Variants in PCDH15 observed in about 807,000 individuals in gnomAD.
PCDH15 encodes the protein protocadherin related 15.
A neutral mutation model predicts 178.5 loss-of-function variants in PCDH15; 129 were observed. That is an observed-to-expected ratio of 0.72 (90% CI 0.63 to 0.84). The LOEUF is 0.84. Ranked by LOEUF, PCDH15 falls within the 40% of genes least tolerant of loss-of-function variation. The pLI, the probability that PCDH15 is intolerant of heterozygous loss-of-function variation, is 0.00. For synonymous variants in PCDH15, 800 were observed against 732.0 expected (o/e 1.09, Z -1.50); for missense variants, 2,230 against 2,099.9 (o/e 1.06, Z -1.21).
At chr10:54,440,283 C>T (rs1399844112) in intron 3 of PCDH15, among the ~76,000 whole-genome samples, 6 of 151,946 alleles carry the variant, frequency 3.9e-5, no homozygotes. Flanking sequence ...AAGCTATTTG[C>T]AGGTGGCTTT....
At chr10:54,753,303 C>A (rs1192085301) in intron 1 of PCDH15, among the ~76,000 whole-genome samples, 1 of 152,062 alleles carries the variant, frequency 6.6e-6, no homozygotes, top group Non-Finnish European at 1.5e-5. Flanking sequence ...GGTGCCTCAG[C>A]CTCCTGAGCA....
chr10:53,990,546 G>GTT (rs1158876626), intron 21 of PCDH15, among the ~76,000 whole-genome samples: 146 of 147,240 alleles, frequency 9.9e-4, no homozygotes, highest in South Asian at 1.9e-3. Flanking sequence ...TTTTATATAT[G>GTT]TTATATATAT....
chr10:54,674,014 A>G (rs1432166483), intron 1 of PCDH15, among the ~76,000 whole-genome samples: 1 of 152,118 alleles, frequency 6.6e-6, no homozygotes, highest in South Asian at 2.1e-4. Flanking sequence ...GTCATATTTC[A>G]TATGTCATAT....
intron 3 of PCDH15, among the ~76,000 whole-genome samples, chr10:54,884,395 A>G (rs968815324): frequency 2.6e-5 from 4 of 152,026 alleles, no homozygotes; most frequent in Admixed American, 1.3e-4. Flanking sequence ...AACTTAAAGT[A>G]ACACTGACTT....
At chr10:54,714,484 T>C (rs567934496) in intron 1 of PCDH15, among the ~76,000 whole-genome samples, 4 of 152,322 alleles carry the variant, frequency 2.6e-5, no homozygotes, top group African/African-American at 9.6e-5. Flanking sequence ...CAAAACTGTT[T>C]TGTAAAAAGG....
At chr10:55,625,267 T>A (rs768335981) in intron 2 of PCDH15, among the ~76,000 whole-genome samples, 3 of 152,134 alleles carry the variant, frequency 2.0e-5, no homozygotes, top group Non-Finnish European at 4.4e-5. Flanking sequence ...TATTTGAGAA[T>A]ACCCATCTTC....
At chr10:54,542,642 T>C (rs11004363) in intron 2 of PCDH15, among the ~76,000 whole-genome samples, 18,325 of 152,230 alleles carry the variant, frequency 0.12, 1,379 homozygotes, top group East Asian at 0.36. Flanking sequence ...GCCAAAGTCA[T>C]TACAGAGGAA....
intron 7 of PCDH15, among the ~76,000 whole-genome samples, chr10:54,324,026 G>T (rs2061777805): frequency 6.6e-6 from 1 of 151,890 alleles, no homozygotes; most frequent in Admixed American, 6.6e-5. Context: ...TAAATATTAG[G>T]TCCCATAAAC....
chr10:54,378,247 A>G (rs912517487), intron 4 of PCDH15, among the ~76,000 whole-genome samples: 1 of 145,608 alleles, frequency 6.9e-6, no homozygotes, highest in Non-Finnish European at 1.5e-5. Flanking sequence ...TATTCTTAAT[A>G]AAAAAAAATT....
At chr10:55,321,809 A>G (rs1843910304), upstream of PCDH15, among the ~76,000 whole-genome samples, 1 of 152,248 alleles carries the variant, frequency 6.6e-6, no homozygotes, top group Admixed American at 6.5e-5. Context: ...TAAATGCTAA[A>G]GAAATTCATT....
chr10:53,837,200 G>A (rs1387340015), intron 29 of PCDH15, among the ~76,000 whole-genome samples: 1 of 151,268 alleles, frequency 6.6e-6, no homozygotes, highest in African/African-American at 2.4e-5. Context: ...ATGGGCATAA[G>A]AAATATTAGA....
At chr10:53,944,444 T>A (rs1217907290) in intron 23 of PCDH15, among the ~76,000 whole-genome samples, 1 of 152,194 alleles carries the variant, frequency 6.6e-6, no homozygotes. Flanking sequence ...TATGGCCAAA[T>A]GAAACATTTC....
At position 53,991,195 on chromosome 10, in the gene PCDH15, G is replaced by A. The variant is rs138833209; in HGVS notation, c.2868+4454C>T. On this transcript the variant is annotated intron_variant, in intron 21 of 37. Transcript: ENST00000644397. ...CAACTGCCCAAGGGCTGAGGAGAGC[G>A]GGCGCGCGGTGCGGGACTGGCAGGC... Among the ~76,000 whole-genome samples the A allele has an allele frequency of 1.2e-3, 189 of 152,254 alleles. 1 individual carries two copies. The highest frequency in any genetic ancestry group is 3.4e-3 in the Middle Eastern group (1 of 294).
rs78380734 is a variant in PCDH15, at chr10:55,394,351, G to T, written c.-155-227700C>A. ...ATTTTATTTATTTATTTTTATTTCT[G>T]AAGTCTATTTGAAAGCAAATCCCAG... On this transcript the variant is annotated intron_variant, in intron 2 of 5. Coordinates refer to the PCDH15 transcript ENST00000613346. Among the ~76,000 whole-genome samples, 487 of 146,790 alleles carry T rather than the reference G, an allele frequency of 3.3e-3. 1 individual carries two copies. Among genetic ancestry groups the T allele is most frequent in the Middle Eastern group, 0.017 (5 of 286 alleles).
rs185492026 is a variant in PCDH15 at position 54,518,097 on chromosome 10, A to C, written c.157+9715T>G. On this transcript the variant is annotated intron_variant, in intron 3 of 37. Transcript: ENST00000644397. ...GGAAATTTATAGCACCAAATGCCCA[A>C]AAGAGAAAGCAGGAAAGATCCAAAA... is the stretch of plus-strand genomic sequence containing the variant. Among the ~76,000 whole-genome samples, 92 of 152,250 alleles carry C rather than the reference A, an allele frequency of 6.0e-4. 1 individual carries two copies. Among genetic ancestry groups the C allele is most frequent in the South Asian group, 1.9e-3 (9 of 4,824 alleles).
At chr10:54,619,027 C>T (rs2093274865) in intron 2 of PCDH15, 1 of 151,984 alleles carries the variant, frequency 6.6e-6, no homozygotes, top group Non-Finnish European at 1.5e-5. Context: ...CTCATTAGCT[C>T]TATTTTTAAC....
rs117401733 is a variant in PCDH15, at chr10:54,618,254, A to G, written c.91+45918T>C. On this transcript the variant is annotated intron_variant, in intron 2 of 37. Coordinates refer to ENST00000644397, the MANE Select transcript of PCDH15 (RefSeq NM_001384140.1). Reference sequence around the variant, plus strand: ...TATAAGTATCTATTTAACTGGAGCAATAAACATACATATCTTTCCTAAAGT... The same window carrying G: ...TATAAGTATCTATTTAACTGGAGCAGTAAACATACATATCTTTCCTAAAGT... Among the ~76,000 whole-genome samples, 941 of 152,262 alleles carry G rather than the reference A, an allele frequency of 6.2e-3. 6 individuals are homozygous for G. The highest frequency in any genetic ancestry group is 8.6e-3 in the Admixed American group (131 of 15,264).
chr10:54,872,405 G>A (rs1954055131), intron 3 of PCDH15, among the ~76,000 whole-genome samples: 3 of 152,106 alleles, frequency 2.0e-5, no homozygotes, highest in South Asian at 4.1e-4. Context: ...TGTATTTCAT[G>A]TACTTTAAGC....
chr10:54,432,681 G>A (rs2136020057), intron 3 of PCDH15, among the ~76,000 whole-genome samples: 2 of 152,104 alleles, frequency 1.3e-5, no homozygotes, highest in South Asian at 4.2e-4. Context: ...AGTTCCCTGA[G>A]TAATACCCTA....
Sources: allele counts gnomAD v4.1 joint callset (sites outside exome capture counted in the v4.1 genomes callset), GRCh38; gene constraint gnomAD v4.1.1; transcripts MANE v1.5; gene names NCBI Gene and HGNC (gene_info 2026-07-23, HGNC 2026-07-21).